The following SOX5 variants were observed in gnomAD, a reference collection of about 807,000 sequenced individuals.
SOX5 encodes the protein SRY-box transcription factor 5, also known as transcription factor SOX-5.
A neutral mutation model predicts 92.0 loss-of-function variants in SOX5; 9 were observed. The observed-to-expected ratio is 0.10, with a 90% CI of 0.06 to 0.17. The LOEUF (loss-of-function observed/expected upper bound fraction) is 0.17. SOX5 is among the 10% of genes least tolerant of loss of function. SOX5 has a pLI of 1.00. For synonymous variants in SOX5, 344 were observed against 336.3 expected (o/e 1.02, Z -0.25); for missense variants, 642 against 944.5 (o/e 0.68, Z 4.20).
intron 4 of SOX5, among the ~76,000 whole-genome samples, chr12:24,125,557 G>T (rs558529042): frequency 6.6e-6 from 1 of 152,080 alleles, no homozygotes; most frequent in East Asian, 1.9e-4. Flanking sequence ...CAACTCTCTT[G>T]GACACGATCT....
At position 23,531,895 on chromosome 12, in the gene SOX5, ATG is replaced by A. The variant is rs886631363; in HGVS notation, c.*2322_*2323del. The A allele has an allele frequency of 5.7e-4, 85 of 149,002 alleles. No individual in the cohort carries two copies. Among genetic ancestry groups the A allele is most frequent in the African/African-American group, 1.4e-3 (58 of 40,746 alleles). 9.2% of individuals were successfully genotyped at this position (149,002 alleles called of 1,614,324 possible). A position where few individuals can be genotyped will look rare whatever the true frequency, so the allele number is the denominator to read the frequency against. ...GAAAGAGAAGTAAAATTGTGGGTAA[ATG>A]TGTGTGTGTGTGTGTATATGTGTGT... On this transcript the variant is annotated 3_prime_UTR_variant, in exon 15 of 15. Coordinates refer to ENST00000451604, the MANE Select transcript of SOX5 (RefSeq NM_006940.6).
At chr12:23,558,346 T>C (rs1317623067) in intron 11 of SOX5, among the ~76,000 whole-genome samples, 1 of 152,206 alleles carries the variant, frequency 6.6e-6, no homozygotes, top group Non-Finnish European at 1.5e-5. Context: ...ATGAGATGTT[T>C]GTGGAAGTCA....
At chr12:24,160,317 T>C (rs1414702503) in intron 4 of SOX5, among the ~76,000 whole-genome samples, 1 of 152,028 alleles carries the variant, frequency 6.6e-6, no homozygotes, top group Non-Finnish European at 1.5e-5. Flanking sequence ...AGAATCACTA[T>C]CAGTCATCAT....
At chr12:24,423,282 T>C (rs1315385368) in intron 1 of SOX5, among the ~76,000 whole-genome samples, 2 of 152,174 alleles carry the variant, frequency 1.3e-5, no homozygotes, top group South Asian at 2.1e-4. Context: ...CAAGTCTCAA[T>C]TGATTCTGAA....
chr12:23,865,977 T>C (rs1207099990), intron 2 of SOX5, among the ~76,000 whole-genome samples: 1 of 152,206 alleles, frequency 6.6e-6, no homozygotes, highest in Non-Finnish European at 1.5e-5. Context: ...CCTGAAGATG[T>C]GACTGAATTG....
chr12:23,962,898 C>A (rs548001286), intron 4 of SOX5, among the ~76,000 whole-genome samples: 1 of 151,902 alleles, frequency 6.6e-6, no homozygotes, highest in Non-Finnish European at 1.5e-5. Flanking sequence ...CATAAGCAAC[C>A]CGAACATTTT....
chr12:23,644,154 C>T (rs1393845009), intron 7 of SOX5, among the ~76,000 whole-genome samples: 3 of 152,228 alleles, frequency 2.0e-5, no homozygotes, highest in Non-Finnish European at 2.9e-5. Context: ...CCCACACCCT[C>T]TGTTGGAGCA....
At position 23,734,548 on chromosome 12, in the gene SOX5, G is replaced by A. The variant is rs1368049802; in HGVS notation, c.810+136C>T. On this transcript the variant is annotated intron_variant, in intron 6 of 14. Transcript: ENST00000451604. ...AGACACCATTTGCAAGATTTCCATG[G>A]CAGAGGAGGTGCTATGTCATGAATT... 12 of 641,734 alleles carry A rather than the reference G, an allele frequency of 1.9e-5. No individual in the cohort carries two copies. In the Admixed American group the frequency reaches 3.1e-4, roughly 17 times the overall value. 39.8% of individuals were successfully genotyped at this position (641,734 alleles called of 1,614,324 possible).
chr12:23,855,653 CA>C (rs1475426591), intron 2 of SOX5, among the ~76,000 whole-genome samples: 1 of 151,990 alleles, frequency 6.6e-6, no homozygotes, highest in Non-Finnish European at 1.5e-5. Context: ...TATTTTCTTA[CA>C]GGAAAAATAT....
intron 4 of SOX5, among the ~76,000 whole-genome samples, chr12:24,192,057 G>GTATA (rs1298580973): frequency 3.3e-5 from 5 of 152,168 alleles, no homozygotes; most frequent in African/African-American, 1.2e-4. Context: ...ACTTTACAAG[G>GTATA]TATAGTATTT....
intron 4 of SOX5, among the ~76,000 whole-genome samples, chr12:24,169,776 G>A (rs770962343): frequency 6.6e-6 from 1 of 152,112 alleles, no homozygotes; most frequent in African/African-American, 2.4e-5. Flanking sequence ...AGATATCAGG[G>A]GTCTTCTAGC....
intron 3 of SOX5, among the ~76,000 whole-genome samples, chr12:24,236,339 C>G (rs1045972936): frequency 6.6e-6 from 1 of 152,100 alleles, no homozygotes; most frequent in East Asian, 1.9e-4. Context: ...TGTTCTAATC[C>G]ACTACATTCA....
At chr12:23,556,473 G>A (rs1045049357) in intron 11 of SOX5, among the ~76,000 whole-genome samples, 1 of 151,970 alleles carries the variant, frequency 6.6e-6, no homozygotes, top group Non-Finnish European at 1.5e-5. Flanking sequence ...TTTGTTCTTA[G>A]GCAAATTCTA....
At chr12:24,436,828 T>C (rs1939522630) in intron 1 of SOX5, among the ~76,000 whole-genome samples, 1 of 152,218 alleles carries the variant, frequency 6.6e-6, no homozygotes, top group South Asian at 2.1e-4. Context: ...TAGGGGCTAA[T>C]GCACCTGGTG....
At chr12:24,414,361 A>C (rs1011056337) in intron 1 of SOX5, among the ~76,000 whole-genome samples, 1 of 151,940 alleles carries the variant, frequency 6.6e-6, no homozygotes, top group Non-Finnish European at 1.5e-5. Flanking sequence ...CCATTGGGGG[A>C]AAAAAAATCA....
chr12:24,371,223 C>T (rs950098209), intron 1 of SOX5, among the ~76,000 whole-genome samples: 1 of 152,204 alleles, frequency 6.6e-6, no homozygotes, highest in Admixed American at 6.5e-5. Flanking sequence ...TATAGGCAGC[C>T]TCTAGGGCCT....
chr12:24,213,419 T>TAA (rs67296842), intron 3 of SOX5: 3 of 96,852 alleles, frequency 3.1e-5, no homozygotes, highest in African/African-American at 4.0e-5. Flanking sequence ...CTTGAAATGC[T>TAA]AAAAAAAAAA....
intron 3 of SOX5, among the ~76,000 whole-genome samples, chr12:23,808,851 C>G (rs1236319227): frequency 3.9e-5 from 6 of 151,998 alleles, no homozygotes; most frequent in Admixed American, 2.0e-4. Context: ...ATATTCATAC[C>G]AACAGTTTCT....
chr12:23,652,127 T>C (rs1190382260), intron 7 of SOX5, among the ~76,000 whole-genome samples: 1 of 152,030 alleles, frequency 6.6e-6, no homozygotes, highest in African/African-American at 2.4e-5. Flanking sequence ...ATCCATATAT[T>C]TTTGGGGAAA....
Sources: gnomAD v4.1 joint callset for allele counts (sites outside exome capture counted in the v4.1 genomes callset) on GRCh38, gnomAD v4.1.1 for gene constraint, MANE v1.5 for transcripts, NCBI Gene and HGNC (gene_info 2026-07-23, HGNC 2026-07-21) for gene names.